Variants in RNF166 observed in about 807,000 individuals in gnomAD.
RNF166 encodes the protein E3 ubiquitin-protein ligase RNF166.
Under a neutral mutation model 29.4 loss-of-function variants are expected in RNF166, and 19 were observed. That is an observed-to-expected ratio of 0.65 (90% CI 0.45 to 0.95). The LOEUF (loss-of-function observed/expected upper bound fraction) is 0.95. Among genes scored for constraint, RNF166 ranks in the 40% least tolerant of loss-of-function variants. RNF166 has a pLI of 0.00. For missense variants in RNF166, 347 were observed against 322.1 expected (o/e 1.08, Z -0.59); for synonymous variants, 171 against 134.5 (o/e 1.27, Z -1.88).
chr16:88,698,849 G>A, intron 4 of RNF166, 122 bp downstream of exon 4: 1 of 794,010 alleles, frequency 1.3e-6, no homozygotes, highest in South Asian at 1.6e-5. Context: ...CCCACCCTGG[G>A]TCCCAGGAGG....
chr16:88,701,004 C>A lies in RNF166; in HGVS notation c.312+258G>T, dbSNP rs745425010. The stretch of plus-strand genomic sequence containing the variant: ...ACCCTGGCCACAACCCACGTGGGTT[C>A]CCCTGGCCCGGGCTAGGCGGCTCTG... On this transcript the variant is annotated intron_variant, in intron 2 of 5. Transcript: ENST00000312838. 3.4e-4 allele frequency: 460 copies of A among 1,360,704 alleles called. 3 individuals are homozygous for A. Among genetic ancestry groups the A allele is most frequent in the Middle Eastern group, 5.6e-4 (2 of 3,568 alleles). 84.3% of individuals were successfully genotyped at this position (1,360,704 alleles called of 1,614,324 possible).
chr16:88,705,143 A>G (rs1027929167), intron 1 of RNF166, among the ~76,000 whole-genome samples: 7 of 152,208 alleles, frequency 4.6e-5, no homozygotes, highest in Non-Finnish European at 8.8e-5. Flanking sequence ...GACACAGGTA[A>G]TGAAGGCAGC....
intron 1 of RNF166, 196 bp from the exon 2 acceptor site, chr16:88,701,614 G>A: frequency 3.5e-6 from 2 of 569,400 alleles, no homozygotes; most frequent in Non-Finnish European, 3.0e-6. Context: ...CTGGCTAAAG[G>A]GTGGCCCCGG....
At chr16:88,702,763 C>A (rs1910383283) in intron 1 of RNF166, 1 of 985,348 alleles carries the variant, frequency 1.0e-6, no homozygotes, top group Non-Finnish European at 1.2e-6. Context: ...AGGTCGCTCA[C>A]TTTACCCACC....
intron 4 of RNF166, 36 bp downstream of exon 4, chr16:88,698,935 C>G: frequency 6.8e-7 from 1 of 1,477,924 alleles, no homozygotes; most frequent in Non-Finnish European, 9.3e-7. Flanking sequence ...CAGGCCTCCC[C>G]TGGCGCAGGC....
intron 1 of RNF166, chr16:88,703,673 T>C: frequency 1.0e-6 from 1 of 985,494 alleles, no homozygotes; most frequent in Non-Finnish European, 1.2e-6. Flanking sequence ...GGGCTGGTGC[T>C]GAGCAGCTTC....
Position 88,697,478 on chromosome 16 carries a change from G to T in RNF166, c.*90C>A. ...CAGGCTCCTCCTGTGAGCTCAGTCC[G>T]GTGAGGTGCGCTCCCGAGCAGGTGC... is the stretch of plus-strand genomic sequence containing the variant. On this transcript the variant is annotated 3_prime_UTR_variant, in exon 6 of 6. Transcript: ENST00000312838. The T allele has an allele frequency of 1.0e-6, 1 of 955,514 alleles. No homozygotes were observed. The highest frequency in any genetic ancestry group is 1.6e-6 in the Non-Finnish European group (1 of 617,268). The allele number at this position is 955,514 out of a possible 1,614,324, so 59.2% of individuals were successfully genotyped here.
In RNF166 at chr16:88,706,285, C is replaced by A; in HGVS notation, c.41G>T (p.Arg14Leu). 1 of 1,288,478 alleles carries A rather than the reference C, an allele frequency of 7.8e-7. No homozygotes were observed. Among genetic ancestry groups the A allele is most frequent in the Non-Finnish European group, 9.8e-7 (1 of 1,018,092 alleles). The allele number at this position is 1,288,478 out of a possible 1,614,324, so 79.8% of individuals were successfully genotyped here. A position where few individuals can be genotyped will look rare whatever the true frequency, so the allele number is the denominator to read the frequency against. Residue 14 changes from arginine to leucine, a missense_variant, in exon 1 of 6, where the codon CGG becomes CTG. By Grantham distance (102) the Arg-to-Leu change is moderately radical. Coordinates refer to ENST00000312838, the MANE Select transcript of RNF166 (RefSeq NM_178841.4). Reference protein sequence around the residue: ...FRSLVASAQQRQPPAGPAGGD... With the variant: ...FRSLVASAQQLQPPAGPAGGD... Reference sequence around the variant, plus strand: ...GCCCGCCGGCCCGGCCGGCGGCTGCCGCTGCTGAGCCGAGGCCACCAGGCT... The same window carrying A: ...GCCCGCCGGCCCGGCCGGCGGCTGCAGCTGCTGAGCCGAGGCCACCAGGCT...
chr16:88,701,580 GC>G (rs1245505488), intron 1 of RNF166, 162 bp from the exon 2 acceptor site: 1 of 674,038 alleles, frequency 1.5e-6, no homozygotes, highest in Non-Finnish European at 2.4e-6. Context: ...TATGTCCGGG[GC>G]CCACCAGCTG....
At chr16:88,698,925 C>T in intron 4 of RNF166, 46 bp downstream of exon 4, 1 of 1,413,782 alleles carries the variant, frequency 7.1e-7, no homozygotes, top group Non-Finnish European at 9.8e-7. Flanking sequence ...CTGTCCCCCA[C>T]AGGCCTCCCC....
At position 88,706,352 on chromosome 16, in the gene RNF166, C is replaced by CGCCCGCTGTCCTGGCCCGGGCCG; in HGVS notation, c.-50_-28dup. On this transcript the variant is annotated 5_prime_UTR_variant, in exon 1 of 6. Coordinates refer to ENST00000312838, the MANE Select transcript of RNF166 (RefSeq NM_178841.4). ...CCGGGGCCAGGCCCGCGCCGCCCGCCGCCCGCTGTCCTGGCCCGGGCCGGC... is the reference window on the plus strand; with the variant it reads ...CCGGGGCCAGGCCCGCGCCGCCCGCCGCCCGCTGTCCTGGCCCGGGCCGGCCCGCTGTCCTGGCCCGGGCCGGC... 1 of 1,215,084 alleles carries CGCCCGCTGTCCTGGCCCGGGCCG rather than the reference C, an allele frequency of 8.2e-7. No homozygotes were observed. The allele number at this position is 1,215,084 out of a possible 1,614,324, so 75.3% of individuals were successfully genotyped here.
chr16:88,696,711 T>G lies in RNF166; in HGVS notation c.*857A>C, dbSNP rs780824263. 9.0e-5 allele frequency: 37 copies of G among 413,120 alleles called. No individual in the cohort carries two copies. The highest frequency in any genetic ancestry group is 6.4e-4 in the South Asian group (37 of 58,178). The allele number at this position is 413,120 out of a possible 1,614,324, so 25.6% of individuals were successfully genotyped here. A position where few individuals can be genotyped will look rare whatever the true frequency, so the allele number is the denominator to read the frequency against. ...TGACAGCGGGCCAAGGCCAGGACTC[T>G]GGGTGGAGGAGGCCCCTTCTCTGCC... On this transcript the variant is annotated 3_prime_UTR_variant, in exon 6 of 6. Coordinates refer to ENST00000312838, the MANE Select transcript of RNF166 (RefSeq NM_178841.4).
At chr16:88,699,277 C>A (rs1160410422) in intron 3 of RNF166, among the ~76,000 whole-genome samples, 192 bp from the exon 4 acceptor site, 2 of 152,252 alleles carry the variant, frequency 1.3e-5, no homozygotes, top group African/African-American at 4.8e-5. Context: ...TCGTCCACCC[C>A]ACACAACTAG....
chr16:88,702,561 G>A (rs1353082711), intron 1 of RNF166, among the ~76,000 whole-genome samples: 1 of 152,146 alleles, frequency 6.6e-6, no homozygotes, highest in Non-Finnish European at 1.5e-5. Context: ...AAGTCTGAGG[G>A]CCTCAGGCAA....
Position 88,696,638 on chromosome 16 carries a change from A to G in RNF166, c.*930T>C, listed in dbSNP as rs1909664540. ...GCCCAGGCCCCCAAGCTCTGCCACCACTGGGGTGCCGTCCCCTCCCGCAGC... is the reference window on the plus strand; with the variant it reads ...GCCCAGGCCCCCAAGCTCTGCCACCGCTGGGGTGCCGTCCCCTCCCGCAGC... On this transcript the variant is annotated 3_prime_UTR_variant, in exon 6 of 6. Coordinates refer to ENST00000312838, the MANE Select transcript of RNF166 (RefSeq NM_178841.4). The G allele has an allele frequency of 2.2e-6, 1 of 449,590 alleles. No individual in the cohort carries two copies. Among genetic ancestry groups the G allele is most frequent in the Non-Finnish European group, 4.4e-6 (1 of 225,452 alleles). 27.9% of individuals were successfully genotyped at this position (449,590 alleles called of 1,614,324 possible). A position where few individuals can be genotyped will look rare whatever the true frequency, so the allele number is the denominator to read the frequency against.
intron 3 of RNF166, 42 bp downstream of exon 3, chr16:88,699,578 C>T (rs769612812): frequency 1.9e-5 from 28 of 1,497,768 alleles, no homozygotes; most frequent in Admixed American, 1.3e-4. Context: ...ACGAGGAAAC[C>T]GCCGAGGACA....
chr16:88,699,810 G>A, intron 2 of RNF166, 78 bp from the exon 3 acceptor site: 1 of 986,272 alleles, frequency 1.0e-6, no homozygotes, highest in East Asian at 2.6e-5. Context: ...GACCTCAGGT[G>A]TCCAGGACCA....
At chr16:88,703,033 G>T (rs1443724281) in intron 1 of RNF166, 4 of 985,464 alleles carry the variant, frequency 4.1e-6, no homozygotes, top group Non-Finnish European at 3.6e-6. Flanking sequence ...AGGGCGTTCG[G>T]CCGGGAAGAG....
chr16:88,697,319 G>A lies in RNF166; in HGVS notation c.*249C>T. The A allele has an allele frequency of 2.5e-6, 1 of 399,564 alleles. No individual in the cohort carries two copies. Among genetic ancestry groups the A allele is most frequent in the Non-Finnish European group, 4.6e-6 (1 of 218,558 alleles). 24.8% of individuals were successfully genotyped at this position (399,564 alleles called of 1,614,324 possible). A position where few individuals can be genotyped will look rare whatever the true frequency, so the allele number is the denominator to read the frequency against. On this transcript the variant is annotated 3_prime_UTR_variant, in exon 6 of 6. Transcript: ENST00000312838. Reference sequence around the variant, plus strand: ...CCAGCGTCCAGCCCTGCCCAAGTAGGCCGCCTGCTCGGCCAGAAGCACCGA... The same window carrying A: ...CCAGCGTCCAGCCCTGCCCAAGTAGACCGCCTGCTCGGCCAGAAGCACCGA...
Sources: gnomAD v4.1 joint callset for allele counts (sites outside exome capture counted in the v4.1 genomes callset) on GRCh38, gnomAD v4.1.1 for gene constraint, MANE v1.5 for transcripts, NCBI Gene and HGNC (gene_info 2026-07-23, HGNC 2026-07-21) for gene names.